The following C11orf91 variants were observed in gnomAD, a reference collection of about 807,000 sequenced individuals.
The protein encoded by C11orf91 is uncharacterized protein C11orf91.
C11orf91 carries 10 observed loss-of-function variants against 14.3 expected under a neutral mutation model. The observed-to-expected ratio is 0.70, with a 90% CI of 0.43 to 1.18. The LOEUF is 1.18. Ranked by LOEUF, C11orf91 falls within the 50% of genes most tolerant of loss-of-function variation. C11orf91 has a pLI of 0.00. For missense variants in C11orf91, 236 were observed against 269.0 expected (o/e 0.88, Z 0.86); for synonymous variants, 141 against 130.6 (o/e 1.08, Z -0.54).
At chr11:33,703,178 G>A (rs747756455), upstream of C11orf91, 5 of 152,176 alleles carry the variant, frequency 3.3e-5, no homozygotes, top group Non-Finnish European at 5.9e-5. Context: ...AATCCATGAA[G>A]TTATAGCCAG....
At chr11:33,701,932 TGA>T (rs1463995444), upstream of C11orf91, among the ~76,000 whole-genome samples, 2 of 152,058 alleles carry the variant, frequency 1.3e-5, no homozygotes, top group Non-Finnish European at 2.9e-5. Context: ...AGTGTGTGTG[TGA>T]AACACTTGAA....
At position 33,698,489 on chromosome 11, in the gene C11orf91, G is replaced by T; in HGVS notation, c.522C>A (p.Asp174Glu). Residue 174 changes from aspartate (D) to glutamate (E), a missense_variant, in exon 2 of 2, where the codon GAC becomes GAA. Transcript: ENST00000379011. Reference sequence around the variant, plus strand: ...TGGTCTTCAGTCCTTGTAACTTTTCGTCTTTTAGCGCCTTCAGGAATGTGT... The same window carrying T: ...TGGTCTTCAGTCCTTGTAACTTTTCTTCTTTTAGCGCCTTCAGGAATGTGT... Reference protein sequence around the residue: ...QSYTFLKALKDEKLQGLKTKQ... With the variant: ...QSYTFLKALKEEKLQGLKTKQ... 6.5e-7 allele frequency: 1 copy of T among 1,537,392 alleles called. No individual in the cohort carries two copies. Among genetic ancestry groups the T allele is most frequent in the Non-Finnish European group, 8.7e-7 (1 of 1,146,848 alleles).
chr11:33,700,873 G>T, upstream of C11orf91: 1 of 875,712 alleles, frequency 1.1e-6, no homozygotes, highest in Non-Finnish European at 1.5e-6. Flanking sequence ...GCCTCAGCCC[G>T]GCCCCTAACA....
chr11:33,705,445 C>T (rs889612715), upstream of C11orf91: 3 of 152,242 alleles, frequency 2.0e-5, no homozygotes, highest in African/African-American at 7.2e-5. Flanking sequence ...TGGTGGTAGA[C>T]ACTGTCTACC....
intron 1 of C11orf91, among the ~76,000 whole-genome samples, chr11:33,699,060 C>A (rs966740302): frequency 2.6e-5 from 4 of 152,108 alleles, no homozygotes; most frequent in African/African-American, 7.2e-5. Flanking sequence ...TTGGCCCCCC[C>A]AAAGTGCTGA....
chr11:33,700,025 A>G (rs1853094313), intron 1 of C11orf91, among the ~76,000 whole-genome samples: 1 of 152,026 alleles, frequency 6.6e-6, no homozygotes, highest in Admixed American at 6.5e-5. Flanking sequence ...GGGAGGATGG[A>G]GTTTGGGACT....
At position 33,698,446 on chromosome 11, in the gene C11orf91, A is replaced by T; in HGVS notation, c.565T>A (p.Ser189Thr). 6.5e-7 allele frequency: 1 copy of T among 1,537,278 alleles called. No homozygotes were observed. The highest frequency in any genetic ancestry group is 8.7e-7 in the Non-Finnish European group (1 of 1,146,726). Residue 189 changes from serine to threonine, a missense_variant, in exon 2 of 2, where the codon TCG becomes ACG. Coordinates refer to ENST00000379011, the MANE Select transcript of C11orf91 (RefSeq NM_001166692.2). ...GCAGCTCCTCAGGAGAGAGAGGCCG[A>T]CTTCTTTCCAGGTTGCTTGGTCTTC... The part of the protein sequence containing the change: ...GLKTKQPGKK[S>T]ASLS
At chr11:33,701,100 G>A (rs1225499621), upstream of C11orf91, among the ~76,000 whole-genome samples, 1 of 152,238 alleles carries the variant, frequency 6.6e-6, no homozygotes, top group African/African-American at 2.4e-5. Flanking sequence ...AGCGGGCCAG[G>A]GCTGCAGAAG....
chr11:33,698,309 C>A lies in C11orf91; in HGVS notation c.*120G>T, dbSNP rs1366954973. On this transcript the variant is annotated 3_prime_UTR_variant, in exon 2 of 2. Transcript: ENST00000379011. ...TATGTGAAGTACATGCTGGTAGCAACAAGAACAGCGGTAAATACAGAACAG... is the reference window on the plus strand; with the variant it reads ...TATGTGAAGTACATGCTGGTAGCAAAAAGAACAGCGGTAAATACAGAACAG... 3 of 684,738 alleles carry A rather than the reference C, an allele frequency of 4.4e-6. No individual in the cohort carries two copies. The highest frequency in any genetic ancestry group is 5.4e-5 in the East Asian group (2 of 36,746). The allele number at this position is 684,738 out of a possible 1,614,324, so 42.4% of individuals were successfully genotyped here.
chr11:33,701,981 C>T (rs1853135460), upstream of C11orf91, among the ~76,000 whole-genome samples: 1 of 152,082 alleles, frequency 6.6e-6, no homozygotes, highest in African/African-American at 2.4e-5. Flanking sequence ...GGCAGCTGTC[C>T]CTACTAAGGG....
At chr11:33,701,923 G>A (rs964580186), upstream of C11orf91, among the ~76,000 whole-genome samples, 5 of 150,856 alleles carry the variant, frequency 3.3e-5, no homozygotes, top group African/African-American at 1.2e-4. Flanking sequence ...AGACGGAACA[G>A]TGTGTGTGTG....
chr11:33,700,387 C>T lies in C11orf91; in HGVS notation c.354G>A (p.Val118=). The T allele has an allele frequency of 6.5e-7, 1 of 1,532,872 alleles. No homozygotes were observed. The highest frequency in any genetic ancestry group is 8.7e-7 in the Non-Finnish European group (1 of 1,145,484). The allele number at this position is 1,532,872 out of a possible 1,614,324, so 95.0% of individuals were successfully genotyped here. The change falls in exon 1 of 2, where the codon GTG becomes GTA. Residue 118 remains valine (V), a synonymous_variant. Coordinates refer to ENST00000379011, the MANE Select transcript of C11orf91 (RefSeq NM_001166692.2). ...FFYSPPPGPE[V]VASPLVPCPS... is the part of the protein sequence containing the mutation. ...GGCAGGGGACCAGGGGCGAGGCAAC[C>T]ACCTCAGGCCCCGGCGGCGGTGAGT...
Position 33,698,327 on chromosome 11 carries a change from C to T in C11orf91, c.*102G>A, listed in dbSNP as rs1013533143. ...GTAGCAACAAGAACAGCGGTAAATACAGAACAGAAAATAACCATCTTTGAA... is the reference window on the plus strand; with the variant it reads ...GTAGCAACAAGAACAGCGGTAAATATAGAACAGAAAATAACCATCTTTGAA... On this transcript the variant is annotated 3_prime_UTR_variant, in exon 2 of 2. Coordinates refer to ENST00000379011, the MANE Select transcript of C11orf91 (RefSeq NM_001166692.2). 133 of 762,682 alleles carry T rather than the reference C, an allele frequency of 1.7e-4. 2 individuals are homozygous for T. Among genetic ancestry groups the T allele is most frequent in the South Asian group, 1.1e-3 (73 of 64,886 alleles). The allele number at this position is 762,682 out of a possible 1,614,324, so 47.2% of individuals were successfully genotyped here.
chr11:33,699,408 T>C (rs1853083474), intron 1 of C11orf91: 1 of 379,014 alleles, frequency 2.6e-6, no homozygotes, highest in African/African-American at 2.1e-5. Flanking sequence ...TCTGCCCTTC[T>C]CCAGTGGTCA....
At position 33,700,444 on chromosome 11, in the gene C11orf91, G is replaced by A. The variant is rs1184303061; in HGVS notation, c.297C>T (p.Ala99=). 2.7e-6 allele frequency: 4 copies of A among 1,492,938 alleles called. No homozygotes were observed. The highest frequency in any genetic ancestry group is 1.4e-5 in the African/African-American group (1 of 71,228). 92.5% of individuals were successfully genotyped at this position (1,492,938 alleles called of 1,614,324 possible). ...AGCGCAGAGGCTCGTAGGGGATGGA[G>A]GCCAGGCCGGAGGGCCAGGGCGAGG... ...PWPSPWPSGL[A]SIPYEPLRFF... Residue 99 remains alanine, a synonymous_variant, in exon 1 of 2, where the codon GCC becomes GCT. Coordinates refer to ENST00000379011, the MANE Select transcript of C11orf91 (RefSeq NM_001166692.2).
chr11:33,700,978 G>GCTCGC (rs539610919), upstream of C11orf91, among the ~76,000 whole-genome samples: 23 of 152,264 alleles, frequency 1.5e-4, no homozygotes, highest in African/African-American at 4.6e-4. Context: ...ACGCCCCCTG[G>GCTCGC]CTCGCCTCGC....
chr11:33,704,647 T>G (rs1416523637), upstream of C11orf91: 3 of 152,198 alleles, frequency 2.0e-5, no homozygotes, highest in Non-Finnish European at 4.4e-5. Flanking sequence ...AACTGAGGCA[T>G]GTAAGGTTAA....
At chr11:33,702,752 GA>G (rs938883304), upstream of C11orf91, 4 of 380,586 alleles carry the variant, frequency 1.1e-5, no homozygotes, top group Non-Finnish European at 1.6e-5. Context: ...GAGATTAGAA[GA>G]AAAATTTTTT....
chr11:33,703,059 A>G (rs1336349830), upstream of C11orf91: 1 of 152,272 alleles, frequency 6.6e-6, no homozygotes, highest in Non-Finnish European at 1.5e-5. Flanking sequence ...AAGCAATACA[A>G]TCATTTTTTA....
Sources: gnomAD v4.1 joint callset for allele counts (sites outside exome capture counted in the v4.1 genomes callset) on GRCh38, gnomAD v4.1.1 for gene constraint, MANE v1.5 for transcripts, NCBI Gene and HGNC (gene_info 2026-07-23, HGNC 2026-07-21) for gene names.